Variants in PM20D2 observed in about 807,000 individuals in gnomAD.
PM20D2 encodes peptidase M20 domain containing 2, also known as xaa-Arg dipeptidase.
In PM20D2, 33 loss-of-function variants were observed where a neutral mutation model predicts 42.9. That is an observed-to-expected ratio of 0.77 (90% CI 0.58 to 1.03). PM20D2 has a LOEUF of 1.03. Ranked by LOEUF, PM20D2 falls within the 50% of genes least tolerant of loss-of-function variation. The probability of loss-of-function intolerance (pLI) is 0.00; values close to 1 mark genes in which losing one functional copy is unlikely to be tolerated. For synonymous variants in PM20D2, 250 were observed against 228.2 expected (o/e 1.10, Z -0.86); for missense variants, 548 against 557.0 (o/e 0.98, Z 0.16).
At chr6:89,105,531 A>T in the PM20D2 span, 1 of 1,598,376 alleles carries the variant, frequency 6.3e-7, no homozygotes. Context: ...ATCTTCAAAT[A>T]TGACTAGCTG....
chr6:89,146,096 G>A lies in PM20D2; in HGVS notation c.-49G>A. 1 of 1,364,254 alleles carries A rather than the reference G, an allele frequency of 7.3e-7. No homozygotes were observed. 84.5% of individuals were successfully genotyped at this position (1,364,254 alleles called of 1,614,324 possible). A position where few individuals can be genotyped will look rare whatever the true frequency, so the allele number is the denominator to read the frequency against. ...GCGTGCGCGGGCGGTCGCTACCTGC[G>A]GCCGAGCCAGGGAGCGAGAGGGCGC... On this transcript the variant is annotated 5_prime_UTR_variant, in exon 1 of 7. Coordinates refer to ENST00000275072, the MANE Select transcript of PM20D2 (RefSeq NM_001010853.3).
intron 6 of PM20D2, 78 bp downstream of exon 6, chr6:89,161,968 A>G (rs1034310292): frequency 2.0e-6 from 3 of 1,487,274 alleles, no homozygotes; most frequent in Non-Finnish European, 2.8e-6. Context: ...TTAACCTACT[A>G]TTTCACTACA....
intron 2 of PM20D2, 126 bp from the exon 3 acceptor site, chr6:89,152,916 AT>A: frequency 1.5e-6 from 1 of 671,250 alleles, no homozygotes. Context: ...ACTACAAATA[AT>A]TTGCAAATCA....
chr6:89,159,892 G>A (rs2127781720), intron 5 of PM20D2, among the ~76,000 whole-genome samples: 1 of 152,260 alleles, frequency 6.6e-6, no homozygotes, highest in East Asian at 1.9e-4. Context: ...GCAGGTTTCT[G>A]CTGTCTAGCT....
chr6:89,118,443 C>G, the PM20D2 span, among the ~76,000 whole-genome samples: 1 of 152,202 alleles, frequency 6.6e-6, no homozygotes, highest in African/African-American at 2.4e-5. Context: ...CCCCTCTGGT[C>G]TTGAGCCTTC....
At chr6:89,105,064 A>G in the PM20D2 span, 72 of 1,505,294 alleles carry the variant, frequency 4.8e-5, no homozygotes, top group Middle Eastern at 3.5e-4. Context: ...AAAAAAATAT[A>G]TATCTATTTC....
chr6:89,142,864 T>C (rs1469225946), upstream of PM20D2, among the ~76,000 whole-genome samples: 3 of 152,122 alleles, frequency 2.0e-5, no homozygotes, highest in Non-Finnish European at 4.4e-5. Flanking sequence ...TTCACCATGT[T>C]AGCCAGGATG....
At chr6:89,133,424 A>G in the PM20D2 span, among the ~76,000 whole-genome samples, 1 of 150,794 alleles carries the variant, frequency 6.6e-6, no homozygotes, top group African/African-American at 2.5e-5. Context: ...TACAATTCCA[A>G]GTGGATTCTA....
chr6:89,155,368 A>C (rs1010005283), intron 4 of PM20D2, among the ~76,000 whole-genome samples: 1 of 135,696 alleles, frequency 7.4e-6, no homozygotes, highest in Non-Finnish European at 1.5e-5. Flanking sequence ...TCCGCCTTCC[A>C]GGCTGAAGCA....
chr6:89,143,266 T>C (rs1770401234), upstream of PM20D2, among the ~76,000 whole-genome samples: 1 of 152,146 alleles, frequency 6.6e-6, no homozygotes, highest in Non-Finnish European at 1.5e-5. Context: ...CCCAGTATAG[T>C]TGTACAATTT....
At chr6:89,103,460 C>T in the PM20D2 span, among the ~76,000 whole-genome samples, 1 of 152,112 alleles carries the variant, frequency 6.6e-6, no homozygotes, top group African/African-American at 2.4e-5. Flanking sequence ...TCCCAAGTAG[C>T]TGGGATTACA....
At chr6:89,103,138 G>A in the PM20D2 span, among the ~76,000 whole-genome samples, 1 of 152,148 alleles carries the variant, frequency 6.6e-6, no homozygotes. Context: ...GTACAAAGCA[G>A]AATAGCATTG....
At chr6:89,129,592 T>A in the PM20D2 span, among the ~76,000 whole-genome samples, 1 of 147,096 alleles carries the variant, frequency 6.8e-6, no homozygotes, top group East Asian at 2.0e-4. Context: ...TTTCTAATTT[T>A]TTTTTTTTTT....
At chr6:89,109,606 G>A in the PM20D2 span, among the ~76,000 whole-genome samples, 1 of 152,224 alleles carries the variant, frequency 6.6e-6, no homozygotes, top group Non-Finnish European at 1.5e-5. Context: ...GTGTGCCACA[G>A]AGGTCTGGAG....
At chr6:89,153,521 C>T (rs1314740414) in intron 3 of PM20D2, among the ~76,000 whole-genome samples, 1 of 151,536 alleles carries the variant, frequency 6.6e-6, no homozygotes, top group African/African-American at 2.4e-5. Flanking sequence ...TTAATGATAA[C>T]CAAATTTTGT....
the PM20D2 span, among the ~76,000 whole-genome samples, chr6:89,130,810 C>CTGCTGCTGCTT: frequency 1.0e-4 from 6 of 57,624 alleles, no homozygotes; most frequent in African/African-American, 4.1e-4. Flanking sequence ...TTGTATCTGG[C>CTGCTGCTGCTT]TTCTTCTTCT....
chr6:89,105,491 G>GAT, the PM20D2 span: 1 of 1,610,034 alleles, frequency 6.2e-7, no homozygotes, highest in East Asian at 2.2e-5. Context: ...TTCTATTGAG[G>GAT]TTATAAAGAG....
At chr6:89,099,434 ATATATACACATATATATG>A in the PM20D2 span, among the ~76,000 whole-genome samples, 2 of 133,872 alleles carry the variant, frequency 1.5e-5, no homozygotes, top group African/African-American at 2.7e-5. Context: ...ATGTGTGTAT[ATATATACACATATATATG>A]TGTGTATATA....
intron 4 of PM20D2, among the ~76,000 whole-genome samples, chr6:89,157,834 A>G (rs1247729088): frequency 7.4e-6 from 1 of 134,612 alleles, no homozygotes. Flanking sequence ...GCAAAACCCC[A>G]TCTCTACTAA....
Sources: gnomAD v4.1 joint callset for allele counts (sites outside exome capture counted in the v4.1 genomes callset) on GRCh38, gnomAD v4.1.1 for gene constraint, MANE v1.5 for transcripts, NCBI Gene and HGNC (gene_info 2026-07-23, HGNC 2026-07-21) for gene names.